Variants in GRM7 observed in about 807,000 individuals in gnomAD.
GRM7 encodes glutamate metabotropic receptor 7.
Under a neutral mutation model 84.5 loss-of-function variants are expected in GRM7, and 35 were observed. The ratio of observed to expected loss-of-function variants is 0.41; its 90% CI spans 0.32 to 0.55. The LOEUF is 0.55. Among genes scored for constraint, GRM7 ranks in the 20% least tolerant of loss-of-function variants. The probability of loss-of-function intolerance (pLI) is 0.19; values close to 1 mark genes in which losing one functional copy is unlikely to be tolerated. For synonymous variants in GRM7, 487 were observed against 455.1 expected (o/e 1.07, Z -0.89); for missense variants, 1,003 against 1,194.6 (o/e 0.84, Z 2.36).
At chr3:7,724,487 T>A (rs895140747) in intron 9 of GRM7, among the ~76,000 whole-genome samples, 1 of 152,130 alleles carries the variant, frequency 6.6e-6, no homozygotes, top group African/African-American at 2.4e-5. Flanking sequence ...AATAACTACT[T>A]TTTCCCGATT....
At chr3:6,943,314 T>G (rs536149995) in intron 1 of GRM7, among the ~76,000 whole-genome samples, 1 of 152,076 alleles carries the variant, frequency 6.6e-6, no homozygotes, top group African/African-American at 2.4e-5. Context: ...TTCTATGTTT[T>G]GATTTAGATG....
At chr3:7,408,479 A>T (rs1427371759) in intron 4 of GRM7, among the ~76,000 whole-genome samples, 11 of 152,196 alleles carry the variant, frequency 7.2e-5, no homozygotes, top group African/African-American at 2.7e-4. Flanking sequence ...ATCAATAGAC[A>T]CACCAAATAA....
chr3:7,709,188 T>C (rs79026395), intron 9 of GRM7, among the ~76,000 whole-genome samples: 93 of 152,296 alleles, frequency 6.1e-4, no homozygotes, highest in Middle Eastern at 3.4e-3. Flanking sequence ...TCCTTACTCA[T>C]GTGGCATTTA....
chr3:6,863,773 G>C lies in GRM7; in HGVS notation c.519+1866G>C, dbSNP rs1325493521. Among the ~76,000 whole-genome samples the C allele has an allele frequency of 6.6e-6, 1 of 152,084 alleles. No homozygotes were observed. Among genetic ancestry groups the C allele is most frequent in the African/African-American group, 2.4e-5 (1 of 41,400 alleles). On this transcript the variant is annotated intron_variant, in intron 1 of 9. Transcript: ENST00000357716. The surrounding 1 kb of genome is among the most constrained non-coding windows in gnomAD (Gnocchi z 4.8). The stretch of plus-strand genomic sequence containing the variant: ...ACAGTGTTTTCCCTGTTAGCCTGTG[G>C]GGTTAAAGGCACAAAACGTTTTGTG...
At position 7,719,473 on chromosome 3, in the gene GRM7, T is replaced by C. The variant is rs546443073; in HGVS notation, c.2699-20884T>C. Among the ~76,000 whole-genome samples the C allele has an allele frequency of 4.9e-4, 74 of 152,240 alleles. 1 individual carries two copies. The highest frequency in any genetic ancestry group is 1.3e-3 in the African/African-American group (56 of 41,538). On this transcript the variant is annotated intron_variant, in intron 9 of 9. Transcript: ENST00000357716. ...GAGTTTAGACCTCTCTAGTAAGGAA[T>C]AGCAAAGGCTGGCAATCCCATGTCT... is the stretch of plus-strand genomic sequence containing the variant.
At chr3:7,410,598 T>TATACAC (rs1553585464) in intron 4 of GRM7, among the ~76,000 whole-genome samples, 108 of 142,678 alleles carry the variant, frequency 7.6e-4, no homozygotes, top group Middle Eastern at 3.5e-3. Context: ...TATATATATA[T>TATACAC]ACACACACAC....
At chr3:7,458,806 G>A (rs1409164830) in intron 6 of GRM7, among the ~76,000 whole-genome samples, 1 of 152,100 alleles carries the variant, frequency 6.6e-6, no homozygotes, top group Non-Finnish European at 1.5e-5. Flanking sequence ...TAGAATTACA[G>A]TAAAGCACAT....
intron 7 of GRM7, among the ~76,000 whole-genome samples, chr3:7,481,492 G>C (rs1467873270): frequency 6.6e-6 from 1 of 152,210 alleles, no homozygotes; most frequent in Non-Finnish European, 1.5e-5. Flanking sequence ...ATAAGCTTGA[G>C]TTGAATTCCA....
chr3:7,232,533 CTG>C (rs1697226544), intron 2 of GRM7, among the ~76,000 whole-genome samples: 1 of 152,114 alleles, frequency 6.6e-6, no homozygotes, highest in South Asian at 2.1e-4. Context: ...AGAGGGAAAA[CTG>C]TTTCTTAAGA....
intron 9 of GRM7, among the ~76,000 whole-genome samples, chr3:7,721,965 G>A (rs185931207): frequency 1.3e-5 from 2 of 152,186 alleles, no homozygotes; most frequent in African/African-American, 2.4e-5. Flanking sequence ...ATGCGTGGAT[G>A]GAAGTGGAAA....
intron 1 of GRM7, among the ~76,000 whole-genome samples, chr3:6,944,784 T>C (rs1267239405): frequency 1.3e-5 from 2 of 152,188 alleles, no homozygotes; most frequent in Admixed American, 6.5e-5. Context: ...TAGAATTTAC[T>C]AGTAAATATA....
chr3:7,590,655 T>A (rs1354960374), intron 8 of GRM7, among the ~76,000 whole-genome samples: 2 of 152,160 alleles, frequency 1.3e-5, no homozygotes, highest in Non-Finnish European at 2.9e-5. Context: ...GGCCATTTCC[T>A]TCCCAGGACC....
At chr3:7,483,872 T>G (rs761380311) in intron 7 of GRM7, among the ~76,000 whole-genome samples, 2 of 152,010 alleles carry the variant, frequency 1.3e-5, no homozygotes, top group Non-Finnish European at 2.9e-5. Flanking sequence ...AAAATGGACA[T>G]TAAAAATTGT....
intron 9 of GRM7, among the ~76,000 whole-genome samples, chr3:7,715,457 C>A (rs1290151626): frequency 1.3e-5 from 2 of 152,044 alleles, no homozygotes; most frequent in Non-Finnish European, 1.5e-5. Context: ...CATAGCATGA[C>A]CCTGTCTCAA....
At chr3:6,870,676 G>A (rs748421749) in intron 1 of GRM7, among the ~76,000 whole-genome samples, 3 of 152,178 alleles carry the variant, frequency 2.0e-5, no homozygotes, top group Non-Finnish European at 2.9e-5. Flanking sequence ...AGGTAAGATC[G>A]ATGGTTTGGT....
intron 1 of GRM7, among the ~76,000 whole-genome samples, chr3:6,970,388 G>A (rs994763247): frequency 7.9e-5 from 12 of 152,204 alleles, no homozygotes; most frequent in African/African-American, 2.7e-4. Context: ...AGGAAGAAAA[G>A]TTCTTTGGAC....
intron 1 of GRM7, among the ~76,000 whole-genome samples, chr3:7,060,786 G>C (rs1052644507): frequency 6.6e-6 from 1 of 151,686 alleles, no homozygotes; most frequent in Non-Finnish European, 1.5e-5. Context: ...TATTTTTGTT[G>C]AGAAAGGTAG....
At chr3:7,643,920 G>C (rs1163803435) in intron 8 of GRM7, among the ~76,000 whole-genome samples, 2 of 151,690 alleles carry the variant, frequency 1.3e-5, no homozygotes, top group South Asian at 4.2e-4. Flanking sequence ...GTTATCTAAG[G>C]GGCTGGGCCA....
In GRM7 at chr3:7,479,748, G is replaced by T. The variant is rs541736794; in HGVS notation, c.1515+18026G>T. Among the ~76,000 whole-genome samples, 5 of 152,102 alleles carry T rather than the reference G, an allele frequency of 3.3e-5. No homozygotes were observed. In the South Asian group the frequency reaches 1.0e-3, roughly 32 times the overall value. ...CCAGAGGTCCCCAACTATGCTATTG[G>T]TCAAGGTTTATAGGCAATAAATAAG... On this transcript the variant is annotated intron_variant, in intron 7 of 9. Transcript: ENST00000357716.
Sources: allele counts gnomAD v4.1 joint callset (sites outside exome capture counted in the v4.1 genomes callset), GRCh38; gene constraint gnomAD v4.1.1; non-coding constraint Gnocchi (gnomAD v3.1); transcripts MANE v1.5; gene names NCBI Gene and HGNC (gene_info 2026-07-23, HGNC 2026-07-21).